The following CTXN3 variants were observed in gnomAD, a reference collection of about 807,000 sequenced individuals.
CTXN3 encodes cortexin-3.
A neutral mutation model predicts 5.0 loss-of-function variants in CTXN3; 4 were observed. The ratio of observed to expected loss-of-function variants is 0.79; its 90% CI spans 0.39 to 1.82. The LOEUF (loss-of-function observed/expected upper bound fraction) is 1.82, where lower values mean the gene tolerates loss of function less well. Ranked by LOEUF, CTXN3 falls within the 40% of genes most tolerant of loss-of-function variation. The pLI is 0.04. For missense variants in CTXN3, 89 were observed against 99.7 expected (o/e 0.89, Z 0.46); for synonymous variants, 48 against 38.6 (o/e 1.24, Z -0.91).
chr5:127,652,122 AC>A (rs1321534224), intron 1 of CTXN3: 1 of 152,166 alleles, frequency 6.6e-6, no homozygotes, highest in Non-Finnish European at 1.5e-5. Context: ...TTCAGATTCC[AC>A]CCATCAACAC....
chr5:127,650,198 C>T (rs987338093), intron 1 of CTXN3, among the ~76,000 whole-genome samples: 1 of 152,088 alleles, frequency 6.6e-6, no homozygotes, highest in Non-Finnish European at 1.5e-5. Flanking sequence ...TAACAGGGTC[C>T]ACTCCCAGCC....
In CTXN3 at chr5:127,657,785, C is replaced by T. The variant is rs1427395040; in HGVS notation, c.*18C>T. The T allele has an allele frequency of 6.2e-7, 1 of 1,613,802 alleles. No individual in the cohort carries two copies. ...TTGCTTAGGAGGGATGGTGTGGGATCTCCTCCTGAGGAGATGAAGTGCTTT... is the reference window on the plus strand; with the variant it reads ...TTGCTTAGGAGGGATGGTGTGGGATTTCCTCCTGAGGAGATGAAGTGCTTT... On this transcript the variant is annotated 3_prime_UTR_variant, in exon 3 of 3. Transcript: ENST00000379445.
intron 2 of CTXN3, among the ~76,000 whole-genome samples, chr5:127,656,726 C>A (rs1749916601): frequency 1.3e-5 from 2 of 152,266 alleles, no homozygotes; most frequent in East Asian, 3.9e-4. Flanking sequence ...GTTTGTTTTT[C>A]TTTTTTGTAT....
chr5:127,651,253 T>C (rs185057513), intron 1 of CTXN3, among the ~76,000 whole-genome samples: 65 of 152,318 alleles, frequency 4.3e-4, no homozygotes, highest in African/African-American at 1.5e-3. Flanking sequence ...GGATGGGCTG[T>C]TTTGACACCT....
intron 1 of CTXN3, among the ~76,000 whole-genome samples, chr5:127,652,589 G>A (rs957100163): frequency 3.3e-5 from 5 of 152,016 alleles, no homozygotes; most frequent in Admixed American, 2.6e-4. Context: ...CCGAGAAGTG[G>A]GTATTTGGTG....
rs924510777 is a variant in CTXN3 at position 127,658,317 on chromosome 5, G to T, written c.*550G>T. 3.0e-5 allele frequency: 5 copies of T among 168,130 alleles called. No individual in the cohort carries two copies. The highest frequency in any genetic ancestry group is 1.2e-4 in the African/African-American group (5 of 41,448). 10.4% of individuals were successfully genotyped at this position (168,130 alleles called of 1,614,324 possible). On this transcript the variant is annotated 3_prime_UTR_variant, in exon 3 of 3. Coordinates refer to ENST00000379445, the MANE Select transcript of CTXN3 (RefSeq NM_001048252.3). ...GGAAAAGCTTAAAAGAGATGATTCT[G>T]TCCTTGGTAAATGTGAGTGAGAATA...
At chr5:127,655,171 G>A (rs760595822) in intron 2 of CTXN3, among the ~76,000 whole-genome samples, 9 of 152,156 alleles carry the variant, frequency 5.9e-5, no homozygotes, top group African/African-American at 1.2e-4. Context: ...GCTGAGGCAG[G>A]AGAATCACTT....
chr5:127,650,381 T>A (rs550289767), intron 1 of CTXN3, among the ~76,000 whole-genome samples: 1 of 152,198 alleles, frequency 6.6e-6, no homozygotes, highest in Non-Finnish European at 1.5e-5. Flanking sequence ...CTTGAGTCTA[T>A]GTTTTGAGAG....
rs114243151 is a variant in CTXN3 at position 127,657,825 on chromosome 5, A to T, written c.*58A>T. The T allele has an allele frequency of 2.2e-4, 355 of 1,591,784 alleles. No homozygotes were observed. In the African/African-American group the frequency reaches 4.4e-3, roughly 20 times the overall value. On this transcript the variant is annotated 3_prime_UTR_variant, in exon 3 of 3. Coordinates refer to ENST00000379445, the MANE Select transcript of CTXN3 (RefSeq NM_001048252.3). ...TGAAGTGCTTTGTGTCTTGGTGAGGATTCCCTTTATTTAGTGTTCTCAACA... is the reference window on the plus strand; with the variant it reads ...TGAAGTGCTTTGTGTCTTGGTGAGGTTTCCCTTTATTTAGTGTTCTCAACA...
At chr5:127,655,480 C>T (rs1749886876) in intron 2 of CTXN3, among the ~76,000 whole-genome samples, 1 of 152,194 alleles carries the variant, frequency 6.6e-6, no homozygotes, top group African/African-American at 2.4e-5. Flanking sequence ...AGCATCTGCT[C>T]CTCTGTCATC....
rs571102791 is a variant in CTXN3 at position 127,656,806 on chromosome 5, T to G, written c.-99-617T>G. On this transcript the variant is annotated intron_variant, in intron 2 of 2. Coordinates refer to ENST00000379445, the MANE Select transcript of CTXN3 (RefSeq NM_001048252.3). ...CATGAAAGATGCAGGCATTGCTACTTGCATTTTTACAGCTTAGTGACCTCT... is the reference window on the plus strand; with the variant it reads ...CATGAAAGATGCAGGCATTGCTACTGGCATTTTTACAGCTTAGTGACCTCT... 3.3e-5 allele frequency among the ~76,000 whole-genome samples: 5 copies of G among 152,268 alleles called. No individual in the cohort carries two copies. In the East Asian group the frequency reaches 9.6e-4, roughly 29 times the overall value.
At chr5:127,653,208 G>A (rs149263884) in intron 1 of CTXN3, 109 bp from the exon 2 acceptor site, 1 of 152,208 alleles carries the variant, frequency 6.6e-6, no homozygotes, top group African/African-American at 2.4e-5. Flanking sequence ...AATTATGGGT[G>A]TCTTCTGTTT....
chr5:127,653,372 G>A lies in CTXN3; in HGVS notation c.-151G>A, dbSNP rs1465177687. The A allele has an allele frequency of 1.3e-5, 2 of 152,200 alleles. No homozygotes were observed. The highest frequency in any genetic ancestry group is 2.9e-5 in the Non-Finnish European group (2 of 68,036). The allele number at this position is 152,200 out of a possible 1,614,324, so 9.4% of individuals were successfully genotyped here. Reference sequence around the variant, plus strand: ...CCACAAATGGACCTGACAAAGGGAAGACACAGATGTACTGCGTGATGAGGA... The same window carrying A: ...CCACAAATGGACCTGACAAAGGGAAAACACAGATGTACTGCGTGATGAGGA... On this transcript the variant is annotated 5_prime_UTR_variant, in exon 2 of 3. Transcript: ENST00000379445.
chr5:127,655,911 G>A (rs1483875654), intron 2 of CTXN3, among the ~76,000 whole-genome samples: 1 of 152,136 alleles, frequency 6.6e-6, no homozygotes, highest in African/African-American at 2.4e-5. Context: ...CCCAGATCCT[G>A]GCTGGGATCC....
Position 127,657,451 on chromosome 5 carries a change from C to A in CTXN3, c.-71C>A. On this transcript the variant is annotated 5_prime_UTR_variant, in exon 3 of 3. Transcript: ENST00000379445. ...ACTCAGCCTCTCCAGAGTGCAGCCACCATGACCTCCGCAGATTGATGATGG... is the reference window on the plus strand; with the variant it reads ...ACTCAGCCTCTCCAGAGTGCAGCCAACATGACCTCCGCAGATTGATGATGG... 2 of 1,576,388 alleles carry A rather than the reference C, an allele frequency of 1.3e-6. No individual in the cohort carries two copies. The highest frequency in any genetic ancestry group is 1.7e-6 in the Non-Finnish European group (2 of 1,158,248).
intron 2 of CTXN3, among the ~76,000 whole-genome samples, chr5:127,655,973 T>C (rs1258680772): frequency 6.6e-6 from 1 of 152,196 alleles, no homozygotes; most frequent in African/African-American, 2.4e-5. Flanking sequence ...GAAGTGTCAA[T>C]ATAATGCAAA....
chr5:127,658,083 TG>T lies in CTXN3; in HGVS notation c.*317del. Reference sequence around the variant, plus strand: ...ATTTGCCATCAAACAAAACACCACCTGATCTGACTAAAGAATAAAAGACTAG... The same window carrying T: ...ATTTGCCATCAAACAAAACACCACCTATCTGACTAAAGAATAAAAGACTAG... On this transcript the variant is annotated 3_prime_UTR_variant, in exon 3 of 3. Transcript: ENST00000379445. The T allele has an allele frequency of 3.1e-6, 1 of 318,928 alleles. No individual in the cohort carries two copies. Among genetic ancestry groups the T allele is most frequent in the Non-Finnish European group, 6.2e-6 (1 of 161,442 alleles). 19.8% of individuals were successfully genotyped at this position (318,928 alleles called of 1,614,324 possible).
intron 1 of CTXN3, among the ~76,000 whole-genome samples, chr5:127,652,705 G>C (rs1235858316): frequency 1.3e-5 from 2 of 152,170 alleles, no homozygotes; most frequent in Non-Finnish European, 2.9e-5. Context: ...GAGGAGGCAA[G>C]TATTATGAGG....
chr5:127,652,133 C>T (rs781032887), intron 1 of CTXN3: 3 of 152,284 alleles, frequency 2.0e-5, no homozygotes, highest in Admixed American at 6.5e-5. Flanking sequence ...CCCATCAACA[C>T]GGAGGCCAAG....
Sources: gnomAD v4.1 joint callset for allele counts (sites outside exome capture counted in the v4.1 genomes callset) on GRCh38, gnomAD v4.1.1 for gene constraint, MANE v1.5 for transcripts, NCBI Gene and HGNC (gene_info 2026-07-23, HGNC 2026-07-21) for gene names.